ZNF226: variants seen among roughly 807,000 people sequenced by gnomAD.
ZNF226 encodes Kruppel-associated box protein.
A neutral mutation model predicts 11.4 loss-of-function variants in ZNF226; 6 were observed. That is an observed-to-expected ratio of 0.53 (90% confidence interval 0.29 to 1.04). ZNF226 has a LOEUF of 1.04. Among genes scored for constraint, ZNF226 ranks in the 50% least tolerant of loss-of-function variants. The probability of loss-of-function intolerance (pLI) is 0.08; values close to 1 mark genes in which losing one functional copy is unlikely to be tolerated. For missense variants in ZNF226, 1,058 were observed against 956.5 expected, an observed-to-expected ratio of 1.11 and a Z score of -1.40; for synonymous variants, 350 against 322.8, an observed-to-expected ratio of 1.08 and a Z score of -0.90.
At chr19:44,198,788 C>T in the ZNF226 span, among the ~76,000 whole-genome samples, 2 of 152,094 alleles carry the variant, frequency 1.3e-5, no homozygotes, top group African/African-American at 4.8e-5. Flanking sequence ...ACTTTAATGG[C>T]TTTTTCTTTA....
chr19:44,179,212 G>A (rs748824088), downstream of ZNF226, among the ~76,000 whole-genome samples: 15 of 152,034 alleles, frequency 9.9e-5, no homozygotes, highest in Non-Finnish European at 1.8e-4. Flanking sequence ...ATTCGTGTGT[G>A]TCCATGTGAG....
chr19:44,167,769 C>G (rs1434123013), intron 2 of ZNF226: 1 of 152,204 alleles, frequency 6.6e-6, no homozygotes, highest in Non-Finnish European at 1.5e-5. Flanking sequence ...TGATGACCAT[C>G]AGCCATCACC....
rs1970691971 is a variant in ZNF226 at position 44,176,476 on chromosome 19, A to G, written c.1214A>G (p.His405Arg). Residue 405 changes from histidine to arginine, a missense_variant, in exon 6 of 6, where the codon CAT becomes CGT. Coordinates refer to ENST00000337433, the MANE Select transcript of ZNF226 (RefSeq NM_001032373.2). ...ACGKSFSRNS[H>R]LQSHQRVHTG... ...GGTAAGAGCTTCAGTCGGAATTCAC[A>G]TCTTCAATCCCATCAAAGAGTTCAT... 2 of 1,614,116 alleles carry G rather than the reference A, an allele frequency of 1.2e-6. No individual in the cohort carries two copies. The highest frequency in any genetic ancestry group is 8.5e-7 in the Non-Finnish European group (1 of 1,180,012).
At chr19:44,172,305 G>A in intron 4 of ZNF226, 91 bp downstream of exon 4, 1 of 1,493,900 alleles carries the variant, frequency 6.7e-7, no homozygotes, top group Non-Finnish European at 9.0e-7. Flanking sequence ...GTGGGAATCT[G>A]ACTTTCCTAA....
chr19:44,166,206 T>C (rs1446233366), intron 2 of ZNF226, among the ~76,000 whole-genome samples: 1 of 152,154 alleles, frequency 6.6e-6, no homozygotes, highest in African/African-American at 2.4e-5. Flanking sequence ...TTCTATGACT[T>C]TTAAAAAATA....
At chr19:44,184,531 G>A in the ZNF226 span, among the ~76,000 whole-genome samples, 2 of 151,434 alleles carry the variant, frequency 1.3e-5, no homozygotes, top group African/African-American at 4.9e-5. Flanking sequence ...GCAGTGAGCC[G>A]AGATTGCGCC....
chr19:44,197,044 G>A, the ZNF226 span, among the ~76,000 whole-genome samples: 1 of 151,992 alleles, frequency 6.6e-6, no homozygotes, highest in South Asian at 2.1e-4. Flanking sequence ...TTATATATAT[G>A]AAACCATATT....
chr19:44,183,931 T>C, the ZNF226 span, among the ~76,000 whole-genome samples: 1 of 152,186 alleles, frequency 6.6e-6, no homozygotes. Flanking sequence ...CTTTCCAGTA[T>C]TTTTCACAAT....
chr19:44,170,502 T>G (rs1489186590), intron 3 of ZNF226, among the ~76,000 whole-genome samples: 2 of 152,016 alleles, frequency 1.3e-5, no homozygotes, highest in Non-Finnish European at 2.9e-5. Flanking sequence ...TTTGGGAGGC[T>G]GAGGCGGGTG....
At chr19:44,190,898 A>G in the ZNF226 span, among the ~76,000 whole-genome samples, 1 of 152,196 alleles carries the variant, frequency 6.6e-6, no homozygotes, top group South Asian at 2.1e-4. Flanking sequence ...AAATATTTCC[A>G]CCTTTGTTCA....
At chr19:44,174,855 T>C in intron 5 of ZNF226, 1 of 860,628 alleles carries the variant, frequency 1.2e-6, no homozygotes, top group South Asian at 1.8e-5. Context: ...CATGCTTTCC[T>C]TTCACCCCAA....
In ZNF226 at chr19:44,177,275, C is replaced by G. The variant is rs200084796; in HGVS notation, c.2013C>G (p.Tyr671Ter). The G allele has an allele frequency of 1.9e-5, 31 of 1,613,540 alleles. No homozygotes were observed. The East Asian group carries it at 6.7e-4, about 35-fold the overall frequency. The change falls in exon 6 of 6, where the codon TAC becomes TAG. Residue 671 changes from tyrosine to a stop codon, truncating the protein, a stop_gained. Coordinates refer to ENST00000337433, the MANE Select transcript of ZNF226 (RefSeq NM_001032373.2). LOFTEE classifies it low-confidence loss of function (END_TRUNC). The stretch of plus-strand genomic sequence containing the variant: ...AAGTCCACACTGGAGATAAGCCATA[C>G]AAATGTGATGAGTGTGGGAAGGGCT... ...HQKVHTGDKP[Y>*]KCDECGKGFK...
In ZNF226 at chr19:44,176,298, C is replaced by T. The variant is rs200990346; in HGVS notation, c.1036C>T (p.Arg346Cys). Residue 346 changes from arginine (R) to cysteine (C), a missense_variant, in exon 6 of 6, where the codon CGT (arginine) becomes TGT (cysteine). Transcript: ENST00000337433. ...KCKQCGKGFS[R>C]RSALNVHCKV... The stretch of plus-strand genomic sequence containing the variant: ...TAAGCAATGTGGGAAAGGTTTCAGT[C>T]GTAGATCAGCACTTAATGTTCATTG... 664 of 1,614,086 alleles carry T rather than the reference C, an allele frequency of 4.1e-4. 4 individuals are homozygous for T. The Admixed American group carries it at 7.9e-3, about 19-fold the overall frequency.
intron 5 of ZNF226, chr19:44,175,084 A>G: frequency 6.2e-7 from 1 of 1,604,976 alleles, no homozygotes; most frequent in Non-Finnish European, 8.5e-7. Flanking sequence ...TATATGAAGA[A>G]ATGTTGGAAG....
the ZNF226 span, among the ~76,000 whole-genome samples, chr19:44,196,199 G>A: frequency 4.6e-5 from 7 of 152,068 alleles, no homozygotes; most frequent in Admixed American, 1.3e-4. Flanking sequence ...AATTACTTGC[G>A]GCCTATTTAA....
the ZNF226 span, among the ~76,000 whole-genome samples, chr19:44,192,027 G>A: frequency 6.6e-6 from 1 of 152,128 alleles, no homozygotes; most frequent in Non-Finnish European, 1.5e-5. Context: ...GTGTATCCAA[G>A]GTTATGAGTG....
intron 5 of ZNF226, chr19:44,174,178 T>G (rs1970444833): frequency 6.6e-6 from 1 of 152,116 alleles, no homozygotes; most frequent in African/African-American, 2.4e-5. Context: ...TGCATGTGTT[T>G]GCCTGTCTGT....
At chr19:44,170,321 G>A (rs1568564861) in intron 3 of ZNF226, among the ~76,000 whole-genome samples, 1 of 152,154 alleles carries the variant, frequency 6.6e-6, no homozygotes, top group South Asian at 2.1e-4. Flanking sequence ...TGATGGGTGG[G>A]CACAGTGGCT....
chr19:44,177,978 C>G (rs117521659), downstream of ZNF226: 966 of 245,246 alleles, frequency 3.9e-3, 5 homozygotes, highest in Admixed American at 0.01. Flanking sequence ...ACTGAATCTA[C>G]ATAATCTTAC....
Sources: allele counts gnomAD v4.1 joint callset (sites outside exome capture counted in the v4.1 genomes callset), GRCh38; gene constraint gnomAD v4.1.1; transcripts MANE v1.5; gene names NCBI Gene and HGNC (gene_info 2026-07-23, HGNC 2026-07-21).